CTNNA3: variants seen among roughly 807,000 people sequenced by gnomAD.
CTNNA3 encodes the protein catenin alpha 3.
CTNNA3 carries 76 observed loss-of-function variants against 95.7 expected under a neutral mutation model. The observed-to-expected ratio is 0.79, with a 90% CI of 0.66 to 0.96. CTNNA3 has a LOEUF of 0.96. Ranked by LOEUF, CTNNA3 falls within the 40% of genes least tolerant of loss-of-function variation. CTNNA3 has a pLI of 0.00. For missense variants in CTNNA3, 1,191 were observed against 1,089.8 expected, an observed-to-expected ratio of 1.09 and a Z score of -1.31; for synonymous variants, 431 against 374.4, an observed-to-expected ratio of 1.15 and a Z score of -1.74.
intron 12 of CTNNA3, among the ~76,000 whole-genome samples, chr10:66,372,371 TTTCC>T (rs1298708382): frequency 3.9e-5 from 6 of 152,152 alleles, no homozygotes; most frequent in Non-Finnish European, 8.8e-5. Context: ...TGATATCTTG[TTTCC>T]CAGGAGAAGA....
intron 7 of CTNNA3, among the ~76,000 whole-genome samples, chr10:66,799,361 TAGAG>T (rs564909467): frequency 9.0e-4 from 137 of 151,538 alleles, no homozygotes; most frequent in Middle Eastern, 3.4e-3. Flanking sequence ...AAATGAGTAA[TAGAG>T]AGACAAAATG....
intron 5 of CTNNA3, among the ~76,000 whole-genome samples, chr10:67,303,251 T>A (rs1840401438): frequency 6.6e-6 from 1 of 152,170 alleles, no homozygotes; most frequent in Non-Finnish European, 1.5e-5. Context: ...CTTGAGAGAA[T>A]CAGTGACCTT....
chr10:66,899,788 T>A (rs1336373148), intron 7 of CTNNA3, among the ~76,000 whole-genome samples: 1 of 151,992 alleles, frequency 6.6e-6, no homozygotes, highest in Non-Finnish European at 1.5e-5. Context: ...GGCTGCAGCC[T>A]GGCAGGGGGA....
chr10:66,313,787 G>A (rs951947455), intron 12 of CTNNA3, among the ~76,000 whole-genome samples: 2 of 152,150 alleles, frequency 1.3e-5, no homozygotes, highest in Admixed American at 1.3e-4. Context: ...AAGCGTAAGA[G>A]CCTGATTCAG....
chr10:66,376,672 A>G (rs1016685920), intron 12 of CTNNA3, among the ~76,000 whole-genome samples: 5 of 152,168 alleles, frequency 3.3e-5, no homozygotes, highest in African/African-American at 1.2e-4. Context: ...ATAAACAACA[A>G]TTCACTATAG....
chr10:65,932,150 C>T (rs940264372), intron 17 of CTNNA3, among the ~76,000 whole-genome samples: 1 of 152,128 alleles, frequency 6.6e-6, no homozygotes, highest in Admixed American at 6.6e-5. Flanking sequence ...CAAATTCTTT[C>T]TCTCTCTGAG....
At chr10:66,022,933 G>C (rs1267284421) in intron 15 of CTNNA3, among the ~76,000 whole-genome samples, 1 of 152,044 alleles carries the variant, frequency 6.6e-6, no homozygotes, top group Non-Finnish European at 1.5e-5. Context: ...AAAATGTGAG[G>C]ACTTCCCTAA....
intron 2 of CTNNA3, among the ~76,000 whole-genome samples, chr10:67,634,601 A>T (rs1227446901): frequency 6.6e-6 from 1 of 152,216 alleles, no homozygotes; most frequent in Non-Finnish European, 1.5e-5. Context: ...GCAAAGACAC[A>T]CATCAGCTCA....
chr10:67,390,690 C>A (rs562414808), intron 5 of CTNNA3, among the ~76,000 whole-genome samples: 1 of 150,036 alleles, frequency 6.7e-6, no homozygotes, highest in South Asian at 2.2e-4. Context: ...AGCAGCACAT[C>A]AAAAAGCTTA....
In CTNNA3 at chr10:67,219,858, G is replaced by A. The variant is rs777817815; in HGVS notation, c.592C>T (p.Pro198Ser). Residue 198 changes from proline (P) to serine (S), a missense_variant, in exon 6 of 18, where the codon CCA becomes TCA. Pro to Ser is a moderately conservative substitution (Grantham distance 74, BLOSUM62 -1). Coordinates refer to ENST00000433211, the MANE Select transcript of CTNNA3 (RefSeq NM_013266.4). ...CCTGCAATTTCATCTCTCTGATTTG[G>A]AGATTTTAAGTCCTGAGAAGGTAAA... Reference protein sequence around the residue: ...AFKRQQDLKSPNQRDEIAGAR... With the variant: ...AFKRQQDLKSSNQRDEIAGAR... The A allele has an allele frequency of 6.2e-7, 1 of 1,610,350 alleles. No homozygotes were observed. The highest frequency in any genetic ancestry group is 1.3e-5 in the African/African-American group (1 of 74,920).
intron 5 of CTNNA3, among the ~76,000 whole-genome samples, chr10:67,441,377 T>C (rs1466446832): frequency 6.6e-6 from 1 of 151,452 alleles, no homozygotes; most frequent in East Asian, 1.9e-4. Flanking sequence ...GAAAAAGAGA[T>C]AGTGATAGAA....
chr10:67,408,882 CAAAAAAA>C (rs766212790), intron 5 of CTNNA3, among the ~76,000 whole-genome samples: 1 of 97,198 alleles, frequency 1.0e-5, no homozygotes, highest in African/African-American at 3.8e-5. Context: ...CTTAAATTTA[CAAAAAAA>C]AAAAAAAAAA....
chr10:67,329,108 A>T (rs1423234418), intron 5 of CTNNA3, among the ~76,000 whole-genome samples: 1 of 152,220 alleles, frequency 6.6e-6, no homozygotes, highest in African/African-American at 2.4e-5. Context: ...GCAAGGGCTC[A>T]TGCCTATAAT....
At chr10:67,358,980 G>A (rs1842909878) in intron 5 of CTNNA3, among the ~76,000 whole-genome samples, 1 of 152,028 alleles carries the variant, frequency 6.6e-6, no homozygotes, top group South Asian at 2.1e-4. Flanking sequence ...GGCTGAGCAA[G>A]ATCCTATCTG....
At chr10:66,017,758 T>C (rs564787111) in intron 15 of CTNNA3, among the ~76,000 whole-genome samples, 1 of 152,096 alleles carries the variant, frequency 6.6e-6, no homozygotes. Context: ...GAATTTCTGG[T>C]TTAACAAATG....
chr10:66,016,247 G>A lies in CTNNA3; in HGVS notation c.2160-27450C>T, dbSNP rs954480865. On this transcript the variant is annotated intron_variant, in intron 15 of 17. Transcript: ENST00000433211. ...TTTATGTAACCAGCCAGAAGGCCTA[G>A]TAGTTGTTTTGTACCATTCAGAAAG... Among the ~76,000 whole-genome samples, 4 of 152,210 alleles carry A rather than the reference G, an allele frequency of 2.6e-5. No homozygotes were observed. The South Asian group carries it at 8.3e-4, about 32-fold the overall frequency.
intron 10 of CTNNA3, among the ~76,000 whole-genome samples, chr10:66,609,748 G>A (rs554656489): frequency 6.6e-6 from 1 of 152,126 alleles, no homozygotes; most frequent in South Asian, 2.1e-4. Context: ...CTAGTGCTGG[G>A]TATATATCCA....
chr10:66,685,317 G>GTATA (rs1411053380), intron 9 of CTNNA3, among the ~76,000 whole-genome samples: 11 of 44,518 alleles, frequency 2.5e-4, no homozygotes, highest in African/African-American at 1.2e-3. Flanking sequence ...ATGTGTGTGT[G>GTATA]TATGTGTGTA....
At position 66,106,337 on chromosome 10, in the gene CTNNA3, TTGTGTGTGTGTG is replaced by T. The variant is rs201326026; in HGVS notation, c.1885-3100_1885-3089del. ...CTGGAAGTTTTGTGTGTGTGTGTGTTTGTGTGTGTGTGTGTGTGTGTGTGTGTGTGTGTGTGT... is the reference window on the plus strand; with the variant it reads ...CTGGAAGTTTTGTGTGTGTGTGTGTTTGTGTGTGTGTGTGTGTGTGTGTGT... On this transcript the variant is annotated intron_variant, in intron 13 of 17. Transcript: ENST00000433211. 6.9e-3 allele frequency among the ~76,000 whole-genome samples: 1,010 copies of T among 145,496 alleles called. 10 individuals carry two copies. Among genetic ancestry groups the T allele is most frequent in the African/African-American group, 0.014 (553 of 38,952 alleles).
Sources: allele counts gnomAD v4.1 joint callset (sites outside exome capture counted in the v4.1 genomes callset), GRCh38; gene constraint gnomAD v4.1.1; transcripts MANE v1.5; gene names NCBI Gene and HGNC (gene_info 2026-07-23, HGNC 2026-07-21).